Variants in CAB39L observed in about 807,000 individuals in gnomAD.
CAB39L encodes the protein calcium-binding protein 39-like.
In CAB39L, 23 loss-of-function variants were observed where a neutral mutation model predicts 39.1. That is an observed-to-expected ratio of 0.59 (90% CI 0.42 to 0.83). CAB39L has a LOEUF of 0.83. Ranked by LOEUF, CAB39L falls within the 40% of genes least tolerant of loss-of-function variation. CAB39L has a pLI of 0.00. For missense variants in CAB39L, 366 were observed against 391.9 expected (o/e 0.93, Z 0.56); for synonymous variants, 126 against 137.2 (o/e 0.92, Z 0.57).
At chr13:49,378,603 C>CT (rs1566103240) in intron 4 of CAB39L, among the ~76,000 whole-genome samples, 5 of 74,002 alleles carry the variant, frequency 6.8e-5, no homozygotes, top group East Asian at 2.6e-4. Context: ...GTCAGCCCTC[C>CT]GCCCGGCCAG....
intron 6 of CAB39L, among the ~76,000 whole-genome samples, chr13:49,352,841 T>C (rs929795209): frequency 6.6e-6 from 1 of 152,206 alleles, no homozygotes; most frequent in African/African-American, 2.4e-5. Context: ...TTTATGATAC[T>C]ATAAAACTTT....
At chr13:49,439,920 G>GTTTTTTTTT (rs1270438947) in intron 1 of CAB39L, among the ~76,000 whole-genome samples, 8 of 41,356 alleles carry the variant, frequency 1.9e-4, no homozygotes, top group African/African-American at 6.2e-4. Flanking sequence ...CTTTTTAATG[G>GTTTTTTTTT]GTTTTTTTTT....
intron 10 of CAB39L, among the ~76,000 whole-genome samples, chr13:49,328,542 A>T (rs1380204831): frequency 6.6e-6 from 1 of 151,992 alleles, no homozygotes; most frequent in Non-Finnish European, 1.5e-5. Flanking sequence ...CACATTTTTA[A>T]ATATTTTCTA....
At chr13:49,396,197 TC>T (rs1400580692) in intron 3 of CAB39L, among the ~76,000 whole-genome samples, 10 of 152,032 alleles carry the variant, frequency 6.6e-5, no homozygotes, top group African/African-American at 2.4e-4. Context: ...AAGAGATGTC[TC>T]AACATTTCCA....
intron 6 of CAB39L, among the ~76,000 whole-genome samples, chr13:49,357,048 C>CA (rs11447143): frequency 0.58 from 71,755 of 122,786 alleles, 19,687 homozygotes; most frequent in African/African-American, 0.67. Context: ...GACTCCATCT[C>CA]AAAAAAAAAA....
At chr13:49,363,893 C>T (rs951310080) in intron 5 of CAB39L, among the ~76,000 whole-genome samples, 2 of 150,330 alleles carry the variant, frequency 1.3e-5, no homozygotes. Context: ...AAAACAAGAC[C>T]CAAATGATCT....
chr13:49,356,848 A>G (rs1405506709), intron 6 of CAB39L, among the ~76,000 whole-genome samples: 7 of 152,084 alleles, frequency 4.6e-5, no homozygotes, highest in Non-Finnish European at 1.0e-4. Context: ...GCAGATCACA[A>G]GACCATCTGG....
At chr13:49,437,388 A>G (rs543606523) in intron 1 of CAB39L, among the ~76,000 whole-genome samples, 5 of 152,248 alleles carry the variant, frequency 3.3e-5, no homozygotes, top group South Asian at 4.1e-4. Flanking sequence ...GCCTCCAGGT[A>G]GATGGTGACC....
At chr13:49,418,504 C>T (rs1198625286) in intron 3 of CAB39L, among the ~76,000 whole-genome samples, 2 of 152,202 alleles carry the variant, frequency 1.3e-5, no homozygotes, top group African/African-American at 4.8e-5. Flanking sequence ...CTGACTTGTA[C>T]ACTTCAATGG....
At chr13:49,429,239 G>A (rs1258215269) in intron 3 of CAB39L, among the ~76,000 whole-genome samples, 2 of 152,092 alleles carry the variant, frequency 1.3e-5, no homozygotes, top group African/African-American at 2.4e-5. Flanking sequence ...GGCCCTACAG[G>A]CATGCCACCA....
At chr13:49,406,089 G>T (rs544088324) in intron 3 of CAB39L, among the ~76,000 whole-genome samples, 1 of 151,726 alleles carries the variant, frequency 6.6e-6, no homozygotes, top group African/African-American at 2.4e-5. Flanking sequence ...TCTAGTATTT[G>T]ATAGCACAAC....
intron 1 of CAB39L, among the ~76,000 whole-genome samples, chr13:49,436,233 C>T (rs1957410767): frequency 6.6e-6 from 1 of 152,182 alleles, no homozygotes; most frequent in Non-Finnish European, 1.5e-5. Context: ...TTTACTAGGA[C>T]ATGACTTGGA....
At chr13:49,409,121 G>A (rs1956939567) in intron 3 of CAB39L, among the ~76,000 whole-genome samples, 1 of 152,132 alleles carries the variant, frequency 6.6e-6, no homozygotes, top group African/African-American at 2.4e-5. Context: ...TAGTCAGCGA[G>A]ACAAAAGACA....
chr13:49,403,336 G>A (rs534926359), intron 3 of CAB39L, among the ~76,000 whole-genome samples: 40 of 152,040 alleles, frequency 2.6e-4, no homozygotes, highest in Admixed American at 3.9e-4. Context: ...CGAAAGGATC[G>A]AATTACTTCC....
At position 49,346,100 on chromosome 13, in the gene CAB39L, G is replaced by GAGATATATATATATATATATAT. The variant is rs1555254610; in HGVS notation, c.565-1863_565-1862insATATATATATATATATATATCT. Among the ~76,000 whole-genome samples the GAGATATATATATATATATATAT allele has an allele frequency of 2.7e-3, 82 of 30,912 alleles. 5 individuals carry two copies. Among genetic ancestry groups the GAGATATATATATATATATATAT allele is most frequent in the Non-Finnish European group, 3.8e-3 (66 of 17,580 alleles). 20.3% of individuals were successfully genotyped at this position (30,912 alleles called of 152,430 possible). ...GATATATATATATATATATATGCTA[G>GAGATATATATATATATATATAT]ATATATATATATATATATATATATC... On this transcript the variant is annotated intron_variant, in intron 7 of 10. Coordinates refer to ENST00000409308, the MANE Select transcript of CAB39L (RefSeq NM_001079670.3).
At chr13:49,402,125 G>A (rs1028453652) in intron 3 of CAB39L, among the ~76,000 whole-genome samples, 2 of 152,128 alleles carry the variant, frequency 1.3e-5, no homozygotes, top group Non-Finnish European at 2.9e-5. Context: ...CAAACCAAAT[G>A]TAATTATTGC....
At chr13:49,387,992 A>G (rs1956401766) in intron 3 of CAB39L, among the ~76,000 whole-genome samples, 1 of 152,226 alleles carries the variant, frequency 6.6e-6, no homozygotes, top group Non-Finnish European at 1.5e-5. Flanking sequence ...GAACAAGGAA[A>G]TACGAAACAA....
At chr13:49,339,631 A>G in intron 9 of CAB39L, 46 bp downstream of exon 9, 1 of 1,484,182 alleles carries the variant, frequency 6.7e-7, no homozygotes, top group Non-Finnish European at 8.9e-7. Context: ...TTTGCTAATG[A>G]GATATAAACT....
chr13:49,419,685 C>G (rs1298299968), intron 3 of CAB39L, among the ~76,000 whole-genome samples: 1 of 152,144 alleles, frequency 6.6e-6, no homozygotes, highest in East Asian at 1.9e-4. Context: ...GGCAAAACAA[C>G]AACAACAAAA....
Sources: allele counts gnomAD v4.1 joint callset (sites outside exome capture counted in the v4.1 genomes callset), GRCh38; gene constraint gnomAD v4.1.1; transcripts MANE v1.5; gene names NCBI Gene and HGNC (gene_info 2026-07-23, HGNC 2026-07-21).